Variants in SGCE observed in about 807,000 individuals in gnomAD.
SGCE encodes the protein epsilon-sarcoglycan.
SGCE carries 26 observed loss-of-function variants against 57.8 expected under a neutral mutation model. The ratio of observed to expected loss-of-function variants is 0.45; its 90% CI spans 0.33 to 0.62. The LOEUF is 0.62. Ranked by LOEUF, SGCE falls within the 20% of genes least tolerant of loss-of-function variation. The pLI is 0.02. For missense variants in SGCE, 468 were observed against 548.6 expected (o/e 0.85, Z 1.47); for synonymous variants, 183 against 189.5 (o/e 0.97, Z 0.28).
chr7:94,614,805 A>C (rs13245774), intron 5 of SGCE, among the ~76,000 whole-genome samples: 1 of 152,184 alleles, frequency 6.6e-6, no homozygotes, highest in Non-Finnish European at 1.5e-5. Context: ...TTTTAAAATC[A>C]CTGTACTCCA....
At chr7:94,627,557 A>G (rs1803923922) in intron 3 of SGCE, 1 of 152,296 alleles carries the variant, frequency 6.6e-6, no homozygotes, top group Admixed American at 6.6e-5. Flanking sequence ...GTTCTCTGAG[A>G]CCATGTGACT....
intron 5 of SGCE, among the ~76,000 whole-genome samples, chr7:94,607,685 G>A (rs1800365631): frequency 6.6e-6 from 1 of 152,120 alleles, no homozygotes; most frequent in South Asian, 2.1e-4. Context: ...TACTCTAAAT[G>A]AGAAACTTGA....
intron 1 of SGCE, among the ~76,000 whole-genome samples, chr7:94,649,548 T>A (rs1407735055): frequency 1.3e-5 from 2 of 152,200 alleles, no homozygotes; most frequent in African/African-American, 4.8e-5. Context: ...ATCTTTGAGC[T>A]TTTCTGTCTT....
At chr7:94,590,512 A>C (rs977154602) in intron 9 of SGCE, 3 of 152,182 alleles carry the variant, frequency 2.0e-5, no homozygotes, top group Non-Finnish European at 4.4e-5. Context: ...ATTTAGTTTC[A>C]CATATTGATA....
rs969428171 is a variant in SGCE at position 94,603,522 on chromosome 7, A to G, written c.663-70T>C. 4.1e-6 allele frequency: 6 copies of G among 1,450,072 alleles called. No individual in the cohort carries two copies. The East Asian group carries it at 1.4e-4, about 34-fold the overall frequency. The allele number at this position is 1,450,072 out of a possible 1,614,324, so 89.8% of individuals were successfully genotyped here. On this transcript the variant is annotated intron_variant, in intron 5 of 10. Coordinates refer to ENST00000648936, the MANE Select transcript of SGCE (RefSeq NM_003919.3). ...AAACACTAAAAAACAATCCACCTTA[A>G]AAGCAGGATTTAGCCTTTTGAATTG... is the stretch of plus-strand genomic sequence containing the variant.
At position 94,587,609 on chromosome 7, in the gene SGCE, C is replaced by T; in HGVS notation, c.1297+1080G>A. 4 of 1,381,548 alleles carry T rather than the reference C, an allele frequency of 2.9e-6. No homozygotes were observed. The South Asian group carries it at 5.6e-5, about 19-fold the overall frequency. The allele number at this position is 1,381,548 out of a possible 1,614,324, so 85.6% of individuals were successfully genotyped here. A position where few individuals can be genotyped will look rare whatever the true frequency, so the allele number is the denominator to read the frequency against. ...CTCATTTTTATAACAAAGTTTGTTC[C>T]TTCATCAATCTCCTGAATGCTTACA... On this transcript the variant is annotated intron_variant, in intron 10 of 10. Coordinates refer to ENST00000648936, the MANE Select transcript of SGCE (RefSeq NM_003919.3).
intron 5 of SGCE, among the ~76,000 whole-genome samples, chr7:94,607,561 A>G (rs926972513): frequency 2.0e-5 from 3 of 152,188 alleles, no homozygotes; most frequent in Non-Finnish European, 2.9e-5. Context: ...TGACAGCATC[A>G]TCAGATGCAG....
At chr7:94,637,036 G>A (rs2117023843) in intron 1 of SGCE, among the ~76,000 whole-genome samples, 2 of 148,480 alleles carry the variant, frequency 1.3e-5, no homozygotes, top group South Asian at 4.3e-4. Context: ...TCCAGCCTAG[G>A]CAACAAGAGC....
At chr7:94,596,530 C>T (rs1296454345) in intron 9 of SGCE, among the ~76,000 whole-genome samples, 1 of 152,108 alleles carries the variant, frequency 6.6e-6, no homozygotes, top group South Asian at 2.1e-4. Flanking sequence ...CCTATTCTGA[C>T]CTTTTCCTAT....
chr7:94,654,663 G>A (rs1808339740), intron 1 of SGCE, among the ~76,000 whole-genome samples: 1 of 152,096 alleles, frequency 6.6e-6, no homozygotes. Flanking sequence ...TCAGTAAATG[G>A]GCTACAGTTT....
intron 3 of SGCE, chr7:94,625,122 T>C (rs1455302222): frequency 1.3e-5 from 2 of 152,136 alleles, no homozygotes; most frequent in East Asian, 3.9e-4. Flanking sequence ...TTATTTTTGA[T>C]TCCCCAATTT....
chr7:94,634,267 C>T (rs1805205023), intron 1 of SGCE, among the ~76,000 whole-genome samples: 1 of 152,106 alleles, frequency 6.6e-6, no homozygotes, highest in African/African-American at 2.4e-5. Context: ...TTCCACAGAG[C>T]TGATGTTTCT....
chr7:94,642,720 C>T (rs894055720), intron 1 of SGCE, among the ~76,000 whole-genome samples: 1 of 152,180 alleles, frequency 6.6e-6, no homozygotes, highest in African/African-American at 2.4e-5. Context: ...CAAGACCTTG[C>T]TGGATAGTGG....
chr7:94,651,329 A>G (rs916696315), intron 1 of SGCE, among the ~76,000 whole-genome samples: 1 of 152,246 alleles, frequency 6.6e-6, no homozygotes, highest in Admixed American at 6.5e-5. Flanking sequence ...TTTTAAAGCA[A>G]GCCTCTTAGA....
intron 9 of SGCE, among the ~76,000 whole-genome samples, chr7:94,591,795 A>G (rs1797707721): frequency 6.6e-6 from 1 of 152,208 alleles, no homozygotes; most frequent in African/African-American, 2.4e-5. Flanking sequence ...AGGTGAAAAG[A>G]CATGGCTGGT....
In SGCE at chr7:94,642,469, T is replaced by C. The variant is rs987062141; in HGVS notation, c.110-12628A>G. Among the ~76,000 whole-genome samples, 13 of 152,244 alleles carry C rather than the reference T, an allele frequency of 8.5e-5. No individual in the cohort carries two copies. In the East Asian group the frequency reaches 1.7e-3, roughly 20 times the overall value. On this transcript the variant is annotated intron_variant, in intron 1 of 10. Transcript: ENST00000648936. ...TAGGCAGCTCCCCCAAAATACATAT[T>C]CACATGTACCCCCAAAATATACATA... is the stretch of plus-strand genomic sequence containing the variant.
At chr7:94,587,315 G>A in intron 10 of SGCE, 1 of 996,418 alleles carries the variant, frequency 1.0e-6, no homozygotes, top group Non-Finnish European at 1.2e-6. Flanking sequence ...CCCCTAGTGG[G>A]TAAGTAAGTA....
At chr7:94,655,955 C>T in intron 1 of SGCE, 35 bp downstream of exon 1, 1 of 1,390,950 alleles carries the variant, frequency 7.2e-7, no homozygotes, top group Non-Finnish European at 1.0e-6. Context: ...GGCCTGTTGG[C>T]CCCGGGACCT....
intron 1 of SGCE, among the ~76,000 whole-genome samples, chr7:94,650,889 T>C (rs558174740): frequency 1.3e-5 from 2 of 152,330 alleles, no homozygotes; most frequent in African/African-American, 4.8e-5. Flanking sequence ...CCTGTGAGGA[T>C]ACCTCCCATG....
Sources: allele counts gnomAD v4.1 joint callset (sites outside exome capture counted in the v4.1 genomes callset), GRCh38; gene constraint gnomAD v4.1.1; transcripts MANE v1.5; gene names NCBI Gene and HGNC (gene_info 2026-07-23, HGNC 2026-07-21).